CCDC81: variants seen among roughly 807,000 people sequenced by gnomAD.
CCDC81 encodes the protein coiled-coil domain-containing protein 81.
A neutral mutation model predicts 83.7 loss-of-function variants in CCDC81; 79 were observed. The observed-to-expected ratio is 0.94, with a 90% CI of 0.79 to 1.14. The LOEUF is 1.14. Among genes scored for constraint, CCDC81 ranks in the 50% most tolerant of loss-of-function variants. The probability of loss-of-function intolerance (pLI) is 0.00; values close to 1 mark genes in which losing one functional copy is unlikely to be tolerated. For missense variants in CCDC81, 791 were observed against 778.1 expected (o/e 1.02, Z -0.20); for synonymous variants, 252 against 278.1 (o/e 0.91, Z 0.93).
intron 13 of CCDC81, 95 bp from the exon 14 acceptor site, chr11:86,419,831 GAA>G (rs769882894): frequency 8.2e-6 from 11 of 1,338,814 alleles, no homozygotes; most frequent in Non-Finnish European, 1.1e-5. Context: ...AACAAAACCA[GAA>G]GGTTTTTTTT....
chr11:86,375,598 A>C (rs983818285), intron 1 of CCDC81, among the ~76,000 whole-genome samples: 6 of 152,104 alleles, frequency 3.9e-5, no homozygotes, highest in Non-Finnish European at 7.4e-5. Flanking sequence ...AGGGACCCTA[A>C]ATGGCTCCTT....
At position 86,412,053 on chromosome 11, in the gene CCDC81, G is replaced by A. The variant is rs536507770; in HGVS notation, c.1219-334G>A. The stretch of plus-strand genomic sequence containing the variant: ...ACCCCTACTTTTAGTTGGTCAAGGA[G>A]ATGGATTTGAGACTGATCTCTCATC... On this transcript the variant is annotated intron_variant, in intron 10 of 14. Transcript: ENST00000445632. Among the ~76,000 whole-genome samples, 4 of 152,320 alleles carry A rather than the reference G, an allele frequency of 2.6e-5. No homozygotes were observed. In the East Asian group the frequency reaches 5.8e-4, roughly 22 times the overall value.
At chr11:86,379,932 G>A (rs1171140045) in intron 1 of CCDC81, among the ~76,000 whole-genome samples, 1 of 152,138 alleles carries the variant, frequency 6.6e-6, no homozygotes, top group Non-Finnish European at 1.5e-5. Context: ...GTTGCAGTGA[G>A]CCAAGACTGC....
chr11:86,381,037 T>C (rs1948170421), intron 1 of CCDC81, among the ~76,000 whole-genome samples: 1 of 152,018 alleles, frequency 6.6e-6, no homozygotes. Flanking sequence ...GTAACTGCTA[T>C]AAATAGGCCT....
intron 4 of CCDC81, among the ~76,000 whole-genome samples, chr11:86,393,664 T>C (rs1216906339): frequency 6.6e-6 from 1 of 152,254 alleles, no homozygotes; most frequent in African/African-American, 2.4e-5. Context: ...TAATTTGCCA[T>C]GTTGTAGAAG....
intron 1 of CCDC81, among the ~76,000 whole-genome samples, chr11:86,378,850 G>A (rs1948134285): frequency 6.6e-6 from 1 of 151,962 alleles, no homozygotes; most frequent in Non-Finnish European, 1.5e-5. Context: ...TAATCTATAT[G>A]TTTTTAGATT....
At chr11:86,409,161 C>T (rs1948602857) in intron 9 of CCDC81, 100 bp from the exon 10 acceptor site, 2 of 508,988 alleles carry the variant, frequency 3.9e-6, no homozygotes, top group Admixed American at 8.3e-5. Flanking sequence ...TCTACCATGG[C>T]TGGATTATTT....
chr11:86,386,339 T>C (rs1036040542), intron 2 of CCDC81, among the ~76,000 whole-genome samples: 4 of 152,136 alleles, frequency 2.6e-5, no homozygotes, highest in Non-Finnish European at 4.4e-5. Context: ...GTAATGAATT[T>C]GTAAGTTCTG....
At chr11:86,384,136 C>A (rs1335543586) in intron 1 of CCDC81, among the ~76,000 whole-genome samples, 1 of 152,186 alleles carries the variant, frequency 6.6e-6, no homozygotes, top group Non-Finnish European at 1.5e-5. Flanking sequence ...CTGTTAGAGT[C>A]ATAAATTTAA....
intron 9 of CCDC81, 108 bp from the exon 10 acceptor site, chr11:86,409,153 T>C: frequency 2.1e-6 from 1 of 487,452 alleles, no homozygotes; most frequent in African/African-American, 2.0e-5. Flanking sequence ...GGCAGGTTTC[T>C]ACCATGGCTG....
rs776549670 is a variant in CCDC81 at position 86,402,836 on chromosome 11, T to TTTTTG, written c.881+2050_881+2054dup. Among the ~76,000 whole-genome samples the TTTTTG allele has an allele frequency of 1.1e-4, 17 of 152,058 alleles. No individual in the cohort carries two copies. In the East Asian group the frequency reaches 3.1e-3, roughly 28 times the overall value. The stretch of plus-strand genomic sequence containing the variant: ...ATGTTTGTTTGATTTCTAGTGGGTT[T>TTTTTG]TTTTGTTTTGTTTTGTTTTTGAGAT... On this transcript the variant is annotated intron_variant, in intron 7 of 14. Transcript: ENST00000445632.
chr11:86,405,389 T>C (rs2031677049), intron 7 of CCDC81, among the ~76,000 whole-genome samples: 1 of 152,232 alleles, frequency 6.6e-6, no homozygotes, highest in African/African-American at 2.4e-5. Flanking sequence ...TTATTTCATG[T>C]GTGTCTCTAC....
chr11:86,381,541 T>C (rs956181016), intron 1 of CCDC81, among the ~76,000 whole-genome samples: 4 of 152,200 alleles, frequency 2.6e-5, no homozygotes, highest in Admixed American at 6.5e-5. Flanking sequence ...ATTTGTCAAT[T>C]ACACTTTGAG....
At chr11:86,416,918 A>G (rs1285381930) in intron 13 of CCDC81, among the ~76,000 whole-genome samples, 3 of 152,060 alleles carry the variant, frequency 2.0e-5, no homozygotes, top group Admixed American at 2.0e-4. Flanking sequence ...TCTTATTTTC[A>G]AAAGTAACAA....
chr11:86,385,166 T>A (rs951742045), intron 1 of CCDC81, among the ~76,000 whole-genome samples: 1 of 152,206 alleles, frequency 6.6e-6, no homozygotes. Flanking sequence ...GGCGGGTGGA[T>A]CACCTGAGGT....
chr11:86,393,152 T>A (rs1322928618), intron 4 of CCDC81, among the ~76,000 whole-genome samples: 1 of 152,206 alleles, frequency 6.6e-6, no homozygotes, highest in Admixed American at 6.5e-5. Flanking sequence ...AACCTCCACA[T>A]GCCGGGTTTG....
At chr11:86,420,122 T>G in intron 14 of CCDC81, 69 bp downstream of exon 14, 1 of 1,560,476 alleles carries the variant, frequency 6.4e-7, no homozygotes, top group Admixed American at 2.0e-5. Context: ...CAAGTGGAAC[T>G]CCACTTGATT....
chr11:86,404,771 G>C (rs971493060), intron 7 of CCDC81, among the ~76,000 whole-genome samples: 1 of 152,220 alleles, frequency 6.6e-6, no homozygotes, highest in African/African-American at 2.4e-5. Flanking sequence ...TCGAGCATTT[G>C]CATTTTGGAA....
intron 14 of CCDC81, 65 bp downstream of exon 14, chr11:86,420,118 G>C: frequency 6.4e-7 from 1 of 1,569,404 alleles, no homozygotes; most frequent in Non-Finnish European, 8.6e-7. Context: ...GTTTCAAGTG[G>C]AACTCCACTT....
Sources: allele counts gnomAD v4.1 joint callset (sites outside exome capture counted in the v4.1 genomes callset), GRCh38; gene constraint gnomAD v4.1.1; transcripts MANE v1.5; gene names NCBI Gene and HGNC (gene_info 2026-07-23, HGNC 2026-07-21).